Variants in PRKG1 observed in about 807,000 individuals in gnomAD.
The protein encoded by PRKG1 is protein kinase cGMP-dependent 1.
A neutral mutation model predicts 88.1 loss-of-function variants in PRKG1; 35 were observed. The ratio of observed to expected loss-of-function variants is 0.40; its 90% confidence interval spans 0.30 to 0.53. The LOEUF (loss-of-function observed/expected upper bound fraction) is 0.53. Ranked by LOEUF, PRKG1 falls within the 20% of genes least tolerant of loss-of-function variation. The pLI, the probability that PRKG1 is intolerant of heterozygous loss-of-function variation, is 0.59. For synonymous variants in PRKG1, 303 were observed against 292.5 expected, an observed-to-expected ratio of 1.04 and a Z score of -0.37; for missense variants, 540 against 839.8, an observed-to-expected ratio of 0.64 and a Z score of 4.41.
chr10:51,232,161 T>C (rs1179113989), intron 2 of PRKG1, among the ~76,000 whole-genome samples: 1 of 152,142 alleles, frequency 6.6e-6, no homozygotes, highest in East Asian at 1.9e-4. Flanking sequence ...ACAAAATAAA[T>C]CTGTGAATTC....
At chr10:51,028,724 A>G (rs1843241551) in intron 1 of PRKG1, among the ~76,000 whole-genome samples, 2 of 152,204 alleles carry the variant, frequency 1.3e-5, no homozygotes, top group Non-Finnish European at 2.9e-5. Flanking sequence ...GAAGCTCATT[A>G]GAAGTTCCTA....
intron 2 of PRKG1, among the ~76,000 whole-genome samples, chr10:51,267,976 CT>C (rs1176315547): frequency 6.6e-6 from 1 of 152,148 alleles, no homozygotes; most frequent in African/African-American, 2.4e-5. Flanking sequence ...CACATAGGTT[CT>C]TTTCTATTTT....
In PRKG1 at chr10:51,779,901, T is replaced by C. The variant is rs151218328; in HGVS notation, c.593-24684T>C. ...TTCATTTTATGTTGCTCAATGTCCA[T>C]GAGCTGAATTGCCTGGGGAAAAACT... On this transcript the variant is annotated intron_variant, in intron 3 of 17. Coordinates refer to ENST00000373980, the MANE Select transcript of PRKG1 (RefSeq NM_006258.4). 6.2e-4 allele frequency among the ~76,000 whole-genome samples: 94 copies of C among 152,294 alleles called. 1 individual carries two copies. The highest frequency in any genetic ancestry group is 2.2e-3 in the African/African-American group (92 of 41,576).
chr10:51,003,553 A>G (rs761842433), intron 1 of PRKG1, among the ~76,000 whole-genome samples: 2 of 152,258 alleles, frequency 1.3e-5, no homozygotes, highest in Non-Finnish European at 2.9e-5. Context: ...ACTTATGAGC[A>G]TACGCTAAAT....
Position 52,294,050 on chromosome 10 carries a change from G to T in PRKG1, c.*150G>T. 1.6e-6 allele frequency: 1 copy of T among 606,710 alleles called. No individual in the cohort carries two copies. 37.6% of individuals were successfully genotyped at this position (606,710 alleles called of 1,614,324 possible). On this transcript the variant is annotated 3_prime_UTR_variant, in exon 18 of 18. Transcript: ENST00000373980. The stretch of plus-strand genomic sequence containing the variant: ...TGCTCCAGTAACTACAGTGGCATTA[G>T]GACTTACCGCTTAGATGACAATAGT...
chr10:51,709,585 A>G (rs1311363688), intron 3 of PRKG1, among the ~76,000 whole-genome samples: 1 of 152,196 alleles, frequency 6.6e-6, no homozygotes, highest in African/African-American at 2.4e-5. Flanking sequence ...AGCCTTGAAA[A>G]TGGAATTGCC....
intron 1 of PRKG1, among the ~76,000 whole-genome samples, chr10:51,006,943 T>A (rs886149879): frequency 6.6e-5 from 10 of 150,442 alleles, no homozygotes; most frequent in Non-Finnish European, 7.4e-5. Context: ...GAGATTTTTT[T>A]TTTTTTTTTT....
At chr10:51,104,917 G>C (rs1275525845) in intron 1 of PRKG1, among the ~76,000 whole-genome samples, 1 of 151,958 alleles carries the variant, frequency 6.6e-6, no homozygotes, top group Non-Finnish European at 1.5e-5. Flanking sequence ...TTTTAGTAGA[G>C]ATGGGTTTTC....
At chr10:51,745,300 G>A (rs1837548206) in intron 3 of PRKG1, among the ~76,000 whole-genome samples, 1 of 151,966 alleles carries the variant, frequency 6.6e-6, no homozygotes, top group Admixed American at 6.5e-5. Context: ...GTGCCATGAT[G>A]TTTTTCTTTC....
At chr10:51,330,527 T>C (rs915146318) in intron 2 of PRKG1, among the ~76,000 whole-genome samples, 37 of 152,202 alleles carry the variant, frequency 2.4e-4, no homozygotes, top group African/African-American at 8.2e-4. Flanking sequence ...TTTTCGTATT[T>C]TTTCTCATCT....
chr10:52,123,889 C>A (rs1847876214), intron 7 of PRKG1, among the ~76,000 whole-genome samples: 1 of 152,052 alleles, frequency 6.6e-6, no homozygotes, highest in Non-Finnish European at 1.5e-5. Flanking sequence ...AATGATGTGG[C>A]CCTGTTTTCT....
intron 1 of PRKG1, among the ~76,000 whole-genome samples, chr10:51,132,607 A>T (rs181946765): frequency 6.6e-6 from 1 of 150,776 alleles, no homozygotes; most frequent in African/African-American, 2.4e-5. Flanking sequence ...CTGATTTAAT[A>T]AAAAGACAGA....
chr10:51,354,386 AC>A (rs1189049729), intron 2 of PRKG1, among the ~76,000 whole-genome samples: 1 of 152,128 alleles, frequency 6.6e-6, no homozygotes, highest in African/African-American at 2.4e-5. Context: ...TGATTATTAC[AC>A]TTTGCATGTC....
At chr10:51,134,804 A>G (rs958527275) in intron 1 of PRKG1, among the ~76,000 whole-genome samples, 1 of 152,178 alleles carries the variant, frequency 6.6e-6, no homozygotes, top group South Asian at 2.1e-4. Flanking sequence ...AGTGTACAAT[A>G]TTTGGTATAC....
At chr10:52,068,849 T>C (rs139563300) in intron 7 of PRKG1, among the ~76,000 whole-genome samples, 2 of 152,198 alleles carry the variant, frequency 1.3e-5, no homozygotes, top group Non-Finnish European at 2.9e-5. Context: ...AACTAGGTGA[T>C]CTTTAAGTTT....
intron 1 of PRKG1, among the ~76,000 whole-genome samples, chr10:51,122,211 T>G (rs1433035196): frequency 6.6e-6 from 1 of 152,154 alleles, no homozygotes; most frequent in Non-Finnish European, 1.5e-5. Context: ...AACTAAATCC[T>G]TAGAGCTCTA....
In PRKG1 at chr10:51,033,143, T is replaced by C. The variant is rs527834842; in HGVS notation, c.266+41499T>C. ...CCCTTATCTCCAGACATAACTACAG[T>C]TCTGATTATTAAGCCTCAGTCTCCT... On this transcript the variant is annotated intron_variant, in intron 1 of 17. Coordinates refer to the PRKG1 transcript ENST00000401604. Among the ~76,000 whole-genome samples, 46 of 152,238 alleles carry C rather than the reference T, an allele frequency of 3.0e-4. No homozygotes were observed. The East Asian group carries it at 8.5e-3, about 28-fold the overall frequency.
At chr10:52,026,960 G>A (rs61849869) in intron 5 of PRKG1, among the ~76,000 whole-genome samples, 17,963 of 152,090 alleles carry the variant, frequency 0.12, 1,108 homozygotes, top group South Asian at 0.14. Flanking sequence ...CTGGGCGACA[G>A]AGTAAGACTC....
intron 3 of PRKG1, among the ~76,000 whole-genome samples, chr10:51,531,996 A>T: frequency 6.6e-6 from 1 of 152,204 alleles, no homozygotes; most frequent in Non-Finnish European, 1.5e-5. Context: ...TGCTAGTCCC[A>T]GTCTGCTAGA....
Sources: allele counts gnomAD v4.1 joint callset (sites outside exome capture counted in the v4.1 genomes callset), GRCh38; gene constraint gnomAD v4.1.1; transcripts MANE v1.5; gene names NCBI Gene and HGNC (gene_info 2026-07-23, HGNC 2026-07-21).